Variants in BRINP1 observed in about 807,000 individuals in gnomAD.
The protein encoded by BRINP1 is BMP/retinoic acid inducible neural specific 1.
A neutral mutation model predicts 72.9 loss-of-function variants in BRINP1; 17 were observed. The ratio of observed to expected loss-of-function variants is 0.23; its 90% CI spans 0.16 to 0.35. The LOEUF (loss-of-function observed/expected upper bound fraction) is 0.35. Among genes scored for constraint, BRINP1 ranks in the 10% least tolerant of loss-of-function variants. BRINP1 has a pLI of 1.00. For synonymous variants in BRINP1, 418 were observed against 378.5 expected, an observed-to-expected ratio of 1.10 and a Z score of -1.21; for missense variants, 850 against 1,001.6, an observed-to-expected ratio of 0.85 and a Z score of 2.04.
chr9:119,230,186 A>G (rs17556044), intron 5 of BRINP1, among the ~76,000 whole-genome samples: 14,790 of 152,130 alleles, frequency 0.097, 890 homozygotes, highest in African/African-American at 0.17. Context: ...AAGAAATGGC[A>G]TGGGTCTGGA....
At chr9:119,238,430 TTAA>T (rs1455894579) in intron 5 of BRINP1, among the ~76,000 whole-genome samples, 7 of 152,174 alleles carry the variant, frequency 4.6e-5, no homozygotes, top group Non-Finnish European at 1.0e-4. Flanking sequence ...TGAAAACTAA[TTAA>T]TAATCATGAA....
intron 5 of BRINP1, among the ~76,000 whole-genome samples, chr9:119,220,122 C>A (rs1047330584): frequency 6.6e-6 from 1 of 152,094 alleles, no homozygotes; most frequent in African/African-American, 2.4e-5. Flanking sequence ...CTGTGAGCTC[C>A]TTAGAGGAAA....
intron 5 of BRINP1, among the ~76,000 whole-genome samples, chr9:119,219,002 C>T (rs1299598366): frequency 1.3e-5 from 2 of 152,044 alleles, no homozygotes; most frequent in African/African-American, 4.8e-5. Context: ...GGGACTAGTG[C>T]CCTTATAAGA....
At chr9:119,264,933 A>G (rs1436776151) in intron 2 of BRINP1, among the ~76,000 whole-genome samples, 10 of 152,164 alleles carry the variant, frequency 6.6e-5, no homozygotes, top group Non-Finnish European at 2.9e-5. Flanking sequence ...GGCCTCCCCA[A>G]GTGCTGGGAT....
intron 2 of BRINP1, among the ~76,000 whole-genome samples, chr9:119,279,618 G>A (rs904398698): frequency 1.3e-5 from 2 of 152,208 alleles, no homozygotes; most frequent in African/African-American, 4.8e-5. Flanking sequence ...CATTAATTGT[G>A]TAGAAAAAGG....
At chr9:119,285,103 G>T (rs560056) in intron 2 of BRINP1, among the ~76,000 whole-genome samples, 1 of 151,224 alleles carries the variant, frequency 6.6e-6, no homozygotes, top group Non-Finnish European at 1.5e-5. Flanking sequence ...GAAATGCATC[G>T]CACGGTTCCC....
intron 7 of BRINP1, among the ~76,000 whole-genome samples, chr9:119,178,984 C>A: frequency 6.6e-6 from 1 of 152,148 alleles, no homozygotes. Context: ...GGTCCCTCTC[C>A]TCCACTCACA....
intron 2 of BRINP1, among the ~76,000 whole-genome samples, chr9:119,264,430 C>T (rs1830528221): frequency 6.6e-6 from 1 of 152,192 alleles, no homozygotes; most frequent in Non-Finnish European, 1.5e-5. Flanking sequence ...CATGCCACCT[C>T]CTCCACCTTT....
At chr9:119,356,557 C>T (rs958915525) in intron 1 of BRINP1, among the ~76,000 whole-genome samples, 3 of 152,066 alleles carry the variant, frequency 2.0e-5, no homozygotes, top group Admixed American at 6.6e-5. Context: ...AATCCTAGCA[C>T]TTTGGGAGGC....
chr9:119,248,704 G>A (rs375200542), intron 3 of BRINP1, among the ~76,000 whole-genome samples: 1 of 152,184 alleles, frequency 6.6e-6, no homozygotes, highest in East Asian at 1.9e-4. Context: ...AACAAATGGA[G>A]CCAATTCCAA....
chr9:119,194,073 G>A (rs1445655410), intron 7 of BRINP1, among the ~76,000 whole-genome samples: 3 of 152,174 alleles, frequency 2.0e-5, no homozygotes, highest in African/African-American at 7.2e-5. Flanking sequence ...CTCTGCTTCA[G>A]ACATGTGAGG....
intron 1 of BRINP1, among the ~76,000 whole-genome samples, chr9:119,338,443 A>G (rs1831371746): frequency 6.6e-6 from 1 of 152,100 alleles, no homozygotes; most frequent in Non-Finnish European, 1.5e-5. Flanking sequence ...GAGAAGAACA[A>G]CAATGATAGG....
intron 2 of BRINP1, among the ~76,000 whole-genome samples, chr9:119,250,041 GGA>G (rs1230517751): frequency 8.1e-6 from 1 of 124,184 alleles, no homozygotes. Flanking sequence ...AAGGAAGGAA[GGA>G]GAGAGAGAGG....
chr9:119,245,842 T>C (rs1030437584), intron 3 of BRINP1, among the ~76,000 whole-genome samples: 11 of 152,192 alleles, frequency 7.2e-5, no homozygotes, highest in Non-Finnish European at 1.2e-4. Flanking sequence ...AAAATTACAG[T>C]GAATAAAATT....
intron 7 of BRINP1, among the ~76,000 whole-genome samples, chr9:119,206,872 G>T (rs192783748): frequency 2.0e-4 from 31 of 152,292 alleles, no homozygotes; most frequent in African/African-American, 6.5e-4. Flanking sequence ...TGTTGTGCTC[G>T]ACAAGAAAGT....
At chr9:119,365,956 A>C (rs1370577241) in intron 1 of BRINP1, among the ~76,000 whole-genome samples, 13 of 152,158 alleles carry the variant, frequency 8.5e-5, no homozygotes, top group Non-Finnish European at 2.9e-5. Context: ...TGCACCCCGA[A>C]ACAGGCATCT....
At chr9:119,260,838 G>A (rs74336691) in intron 2 of BRINP1, among the ~76,000 whole-genome samples, 7,063 of 152,098 alleles carry the variant, frequency 0.046, 217 homozygotes, top group Non-Finnish European at 0.07. Flanking sequence ...GGTGGGGGTC[G>A]TCTAAAGTAT....
chr9:119,186,777 TG>T (rs1829626001), intron 7 of BRINP1, among the ~76,000 whole-genome samples: 1 of 152,162 alleles, frequency 6.6e-6, no homozygotes, highest in African/African-American at 2.4e-5. Flanking sequence ...AATATTGCAC[TG>T]CTATTTGAAC....
chr9:119,331,014 G>A (rs986152339), intron 1 of BRINP1, among the ~76,000 whole-genome samples: 6 of 152,084 alleles, frequency 3.9e-5, no homozygotes, highest in Non-Finnish European at 5.9e-5. Context: ...GTGACAGAGT[G>A]AGAATCCATC....
Sources: allele counts gnomAD v4.1 joint callset (sites outside exome capture counted in the v4.1 genomes callset), GRCh38; gene constraint gnomAD v4.1.1; transcripts MANE v1.5; gene names NCBI Gene and HGNC (gene_info 2026-07-23, HGNC 2026-07-21).